Variants in NF1 observed in about 807,000 individuals in gnomAD.
NF1 encodes neurofibromin 1, also known as neurofibromin.
In NF1, 122 loss-of-function variants were observed where a neutral mutation model predicts 325.7. That is an observed-to-expected ratio of 0.37 (90% CI 0.32 to 0.44). The LOEUF is 0.44. Among genes scored for constraint, NF1 ranks in the 20% least tolerant of loss-of-function variants. NF1 has a pLI of 1.00. For synonymous variants in NF1, 1,091 were observed against 1,186.0 expected (o/e 0.92, Z 1.65); for missense variants, 2,140 against 3,415.4 (o/e 0.63, Z 9.31).
At chr17:31,169,676 G>T (rs2065900197) in intron 4 of NF1, among the ~76,000 whole-genome samples, 1 of 151,998 alleles carries the variant, frequency 6.6e-6, no homozygotes. Flanking sequence ...CTCCTGAGTA[G>T]CTGGGCCTAT....
chr17:31,217,385 C>T (rs2048519208), intron 13 of NF1, among the ~76,000 whole-genome samples: 2 of 151,528 alleles, frequency 1.3e-5, no homozygotes, highest in Non-Finnish European at 2.9e-5. Flanking sequence ...GATCTCAGCT[C>T]TCTGCAACCT....
At chr17:31,149,947 TGG>T (rs1916816262) in intron 1 of NF1, among the ~76,000 whole-genome samples, 1 of 152,152 alleles carries the variant, frequency 6.6e-6, no homozygotes, top group African/African-American at 2.4e-5. Context: ...GAGCTGGACA[TGG>T]AGTGAAAGAG....
chr17:31,276,877 T>G (rs915609541), intron 36 of NF1, among the ~76,000 whole-genome samples: 1 of 152,186 alleles, frequency 6.6e-6, no homozygotes, highest in African/African-American at 2.4e-5. Context: ...TTAGGGGCAC[T>G]GAATCTCCAC....
intron 29 of NF1, among the ~76,000 whole-genome samples, chr17:31,239,334 T>C (rs1249139325): frequency 6.6e-6 from 1 of 152,218 alleles, no homozygotes; most frequent in East Asian, 1.9e-4. Context: ...GAAGAAAGAA[T>C]TGGTGAATTT....
chr17:31,322,324 A>G (rs993325064), intron 36 of NF1, among the ~76,000 whole-genome samples: 21 of 151,854 alleles, frequency 1.4e-4, no homozygotes, highest in Admixed American at 1.2e-3. Context: ...TACTAAAAAT[A>G]TAAAAATTAA....
At chr17:31,351,768 T>C (rs2070150574) in intron 50 of NF1, among the ~76,000 whole-genome samples, 1 of 152,196 alleles carries the variant, frequency 6.6e-6, no homozygotes, top group Admixed American at 6.5e-5. Flanking sequence ...GCTCAACCCA[T>C]GGCCTGCAGG....
Position 31,201,019 on chromosome 17 carries a change from C to G in NF1, c.1063-18C>G, listed in dbSNP as rs2143878151. The stretch of plus-strand genomic sequence containing the variant: ...ATGGGTATTTAAAGGCTTTTGTTTT[C>G]TGTTGGGGTTTTTATAGAACCTGCT... On this transcript the variant is annotated intron_variant, in intron 9 of 57. Transcript: ENST00000358273. The G allele has an allele frequency of 6.2e-7, 1 of 1,612,668 alleles. No homozygotes were observed. Among genetic ancestry groups the G allele is most frequent in the South Asian group, 1.1e-5 (1 of 91,002 alleles).
At chr17:31,208,987 A>T (rs2066673732) in intron 12 of NF1, among the ~76,000 whole-genome samples, 1 of 152,218 alleles carries the variant, frequency 6.6e-6, no homozygotes, top group Non-Finnish European at 1.5e-5. Context: ...ATAATACCTA[A>T]CATCAGAGTT....
intron 38 of NF1, among the ~76,000 whole-genome samples, chr17:31,330,053 A>G (rs1210922555): frequency 1.3e-5 from 2 of 152,158 alleles, no homozygotes; most frequent in Admixed American, 1.3e-4. Flanking sequence ...CCCCTCTGTC[A>G]TAGGAGCCTC....
At chr17:31,166,940 A>G (rs1234072570) in intron 4 of NF1, among the ~76,000 whole-genome samples, 1 of 152,034 alleles carries the variant, frequency 6.6e-6, no homozygotes, top group Non-Finnish European at 1.5e-5. Flanking sequence ...TCTTTTCTGG[A>G]CCTATACATT....
At position 31,095,137 on chromosome 17, in the gene NF1, C is replaced by T. The variant is rs886052791; in HGVS notation, c.-173C>T. 1.1e-5 allele frequency: 6 copies of T among 540,692 alleles called. No individual in the cohort carries two copies. In the East Asian group the frequency reaches 1.4e-4, roughly 12 times the overall value. The allele number at this position is 540,692 out of a possible 1,614,324, so 33.5% of individuals were successfully genotyped here. The stretch of plus-strand genomic sequence containing the variant: ...GCCAACGCCCCCTTTCCCTCTCCCC[C>T]TCCCGCTCGGCGCTGACCCCCCATC... On this transcript the variant is annotated 5_prime_UTR_variant, in exon 1 of 58. Coordinates refer to ENST00000358273, the MANE Select transcript of NF1 (RefSeq NM_001042492.3).
chr17:31,194,393 G>A (rs2066399874), intron 8 of NF1, among the ~76,000 whole-genome samples: 1 of 152,130 alleles, frequency 6.6e-6, no homozygotes, highest in South Asian at 2.1e-4. Flanking sequence ...AGGATAGGGT[G>A]CGGGGAGGGT....
At chr17:31,304,389 T>C (rs764563923) in intron 36 of NF1, 9 of 1,614,134 alleles carry the variant, frequency 5.6e-6, no homozygotes, top group Non-Finnish European at 6.8e-6. Flanking sequence ...TAAAATCTAC[T>C]GGTGGCAGGG....
In NF1 at chr17:31,350,255, A is replaced by G. The variant is rs143474365; in HGVS notation, c.7394A>G (p.Asp2465Gly). 2.2e-5 allele frequency: 36 copies of G among 1,613,528 alleles called. No individual in the cohort carries two copies. The highest frequency in any genetic ancestry group is 2.7e-5 in the Non-Finnish European group (32 of 1,179,602). The change falls in exon 50 of 58, where the codon GAT becomes GGT. Residue 2465 changes from aspartate (D) to glycine (G), a missense_variant. By Grantham distance (94) the Asp-to-Gly change is moderately conservative. Transcript: ENST00000358273. ...LKHRKSLLLT[D>G]ISMENVPMDT... Reference sequence around the variant, plus strand: ...CATAGAAAGTCACTTCTTCTTACTGATATTTCAATGGAAAATGTTCCTATG... The same window carrying G: ...CATAGAAAGTCACTTCTTCTTACTGGTATTTCAATGGAAAATGTTCCTATG...
chr17:31,188,125 A>C (rs1474419644), intron 8 of NF1, among the ~76,000 whole-genome samples: 1 of 152,152 alleles, frequency 6.6e-6, no homozygotes, highest in Non-Finnish European at 1.5e-5. Context: ...CCCTTCAGGA[A>C]TGAAGGTTTG....
At chr17:31,229,685 C>A in intron 21 of NF1, 150 bp from the exon 22 acceptor site, 1 of 1,061,424 alleles carries the variant, frequency 9.4e-7, no homozygotes, top group Non-Finnish European at 1.5e-6. Context: ...TGTATGGGTA[C>A]GAGTGTCTGC....
At chr17:31,291,446 G>GT (rs1039216207) in intron 36 of NF1, among the ~76,000 whole-genome samples, 3 of 151,802 alleles carry the variant, frequency 2.0e-5, no homozygotes, top group African/African-American at 7.3e-5. Context: ...TGTTATTTCT[G>GT]TTTTTTTGTT....
intron 35 of NF1, among the ~76,000 whole-genome samples, chr17:31,263,034 G>GGT (rs1567864016): frequency 0.039 from 1,299 of 33,588 alleles, 34 homozygotes; most frequent in African/African-American, 0.068. Flanking sequence ...TAGATAGATA[G>GGT]ATAGGTAGGT....
At chr17:31,341,578 GTATA>G (rs898725294) in intron 47 of NF1, among the ~76,000 whole-genome samples, 4 of 120,752 alleles carry the variant, frequency 3.3e-5, no homozygotes, top group African/African-American at 6.4e-5. Flanking sequence ...TAATGTATGT[GTATA>G]TATATATATA....
Sources: gnomAD v4.1 joint callset for allele counts (sites outside exome capture counted in the v4.1 genomes callset) on GRCh38, gnomAD v4.1.1 for gene constraint, MANE v1.5 for transcripts, NCBI Gene and HGNC (gene_info 2026-07-23, HGNC 2026-07-21) for gene names.